KSR2: variants seen among roughly 807,000 people sequenced by gnomAD.
KSR2 encodes kinase suppressor of ras 2.
Under a neutral mutation model 107.8 loss-of-function variants are expected in KSR2, and 25 were observed. The ratio of observed to expected loss-of-function variants is 0.23; its 90% confidence interval spans 0.17 to 0.32. The LOEUF (loss-of-function observed/expected upper bound fraction) is 0.32. Ranked by LOEUF, KSR2 falls within the 10% of genes least tolerant of loss-of-function variation. KSR2 has a pLI of 1.00. For missense variants in KSR2, 887 were observed against 1,268.9 expected (o/e 0.70, Z 4.57); for synonymous variants, 480 against 507.0 (o/e 0.95, Z 0.71).
chr12:117,513,466 T>C (rs1233989898), intron 14 of KSR2, among the ~76,000 whole-genome samples: 2 of 152,166 alleles, frequency 1.3e-5, no homozygotes, highest in Admixed American at 1.3e-4. Context: ...GCAGACACAC[T>C]GATTTTACCC....
In KSR2 at chr12:117,574,224, G is replaced by A. The variant is rs149671511; in HGVS notation, c.1325+4895C>T. On this transcript the variant is annotated intron_variant, in intron 7 of 19. Coordinates refer to ENST00000339824, the MANE Select transcript of KSR2 (RefSeq NM_173598.6). The stretch of plus-strand genomic sequence containing the variant: ...TTTTTTCTTTTTAATAAACCCTCCA[G>A]GGGATTCTTGTGCACACTCAAGTTT... Among the ~76,000 whole-genome samples the A allele has an allele frequency of 9.3e-3, 1,405 of 151,798 alleles. 23 individuals are homozygous for A. Among genetic ancestry groups the A allele is most frequent in the African/African-American group, 0.032 (1,342 of 41,320 alleles).
chr12:117,733,964 T>A (rs1432663395), intron 4 of KSR2, among the ~76,000 whole-genome samples: 1 of 152,142 alleles, frequency 6.6e-6, no homozygotes, highest in African/African-American at 2.4e-5. Context: ...AGAGTTCAAC[T>A]AACTCAGGCT....
At chr12:117,553,518 T>C (rs887131223) in intron 9 of KSR2, among the ~76,000 whole-genome samples, 3 of 152,298 alleles carry the variant, frequency 2.0e-5, no homozygotes, top group Non-Finnish European at 4.4e-5. Context: ...TGTGTTGCCA[T>C]TGAATAGTGA....
At chr12:117,810,256 C>T (rs1278375162) in intron 3 of KSR2, among the ~76,000 whole-genome samples, 2 of 152,234 alleles carry the variant, frequency 1.3e-5, no homozygotes, top group Non-Finnish European at 2.9e-5. Context: ...CTGCACTCTA[C>T]AGTATCTCCA....
chr12:117,538,455 G>A (rs1475855680), intron 10 of KSR2, among the ~76,000 whole-genome samples: 2 of 152,226 alleles, frequency 1.3e-5, no homozygotes, highest in African/African-American at 4.8e-5. Context: ...GTGCCGCCCA[G>A]GTGTGGGGTG....
At chr12:117,850,902 C>G (rs1157767032) in intron 3 of KSR2, among the ~76,000 whole-genome samples, 1 of 152,080 alleles carries the variant, frequency 6.6e-6, no homozygotes, top group African/African-American at 2.4e-5. Context: ...CAAGTATGAT[C>G]CCTGCCCTTT....
At position 117,921,740 on chromosome 12, in the gene KSR2, C is replaced by T. The variant is rs868741601; in HGVS notation, c.180+46336G>A. On this transcript the variant is annotated intron_variant, in intron 1 of 19. Transcript: ENST00000339824. Reference sequence around the variant, plus strand: ...AGTGCCATGCTCAGCACATAATACACGCTCATTAAATGACAGCCATCATTA... The same window carrying T: ...AGTGCCATGCTCAGCACATAATACATGCTCATTAAATGACAGCCATCATTA... 7.4e-4 allele frequency among the ~76,000 whole-genome samples: 112 copies of T among 152,288 alleles called. 1 individual carries two copies. The highest frequency in any genetic ancestry group is 6.8e-3 in the Middle Eastern group (2 of 294).
chr12:117,714,614 C>T (rs1410126329), intron 4 of KSR2, among the ~76,000 whole-genome samples: 3 of 152,322 alleles, frequency 2.0e-5, no homozygotes, highest in East Asian at 1.9e-4. Context: ...GCTAGCAGCA[C>T]GCACTCTGGG....
chr12:117,947,258 A>AT (rs767422689), intron 1 of KSR2, among the ~76,000 whole-genome samples: 4 of 72,408 alleles, frequency 5.5e-5, no homozygotes, highest in African/African-American at 6.0e-5. Context: ...AGAAAGAAAG[A>AT]AGATAAACCA....
Position 117,914,863 on chromosome 12 carries a change from A to G in KSR2, c.180+53213T>C, listed in dbSNP as rs1462865828. 2.0e-5 allele frequency among the ~76,000 whole-genome samples: 3 copies of G among 152,204 alleles called. No individual in the cohort carries two copies. The East Asian group carries it at 5.8e-4, about 29-fold the overall frequency. On this transcript the variant is annotated intron_variant, in intron 1 of 19. Coordinates refer to ENST00000339824, the MANE Select transcript of KSR2 (RefSeq NM_173598.6). ...TCAATTTTTGTATGCATAAGTGAAC[A>G]TGGTGTGAACTGAGGCTGAATACGG... is the stretch of plus-strand genomic sequence containing the variant.
At chr12:117,570,224 A>G (rs1361434665) in intron 7 of KSR2, among the ~76,000 whole-genome samples, 4 of 152,070 alleles carry the variant, frequency 2.6e-5, no homozygotes, top group Admixed American at 6.5e-5. Context: ...GGATGGTCTC[A>G]ATCTCCTGAC....
At chr12:117,521,087 C>G (rs1874730574) in intron 14 of KSR2, among the ~76,000 whole-genome samples, 1 of 152,164 alleles carries the variant, frequency 6.6e-6, no homozygotes, top group African/African-American at 2.4e-5. Flanking sequence ...CCTGCCCTCT[C>G]CAGTCTTGCT....
intron 1 of KSR2, among the ~76,000 whole-genome samples, chr12:117,875,243 G>T (rs532124642): frequency 6.6e-6 from 1 of 151,918 alleles, no homozygotes; most frequent in Non-Finnish European, 1.5e-5. Flanking sequence ...TTTTCACTCC[G>T]AATCTAAACC....
In KSR2 at chr12:117,790,920, C is replaced by A. The variant is rs376026984; in HGVS notation, c.473-29396G>T. 1.4e-4 allele frequency among the ~76,000 whole-genome samples: 22 copies of A among 152,280 alleles called. No individual in the cohort carries two copies. The East Asian group carries it at 2.9e-3, about 20-fold the overall frequency. ...CAACTGCAGCAGCCTCCCAACTGGT[C>A]TCTCTGACTCCCCTCTAGCTCCTCT... On this transcript the variant is annotated intron_variant, in intron 3 of 19. Transcript: ENST00000339824.
At chr12:117,595,531 AT>A (rs1565917888) in intron 5 of KSR2, among the ~76,000 whole-genome samples, 1 of 150,964 alleles carries the variant, frequency 6.6e-6, no homozygotes, top group African/African-American at 2.4e-5. Context: ...CGCCCGGCTA[AT>A]TTTTTGTATT....
chr12:117,602,252 A>AT (rs1187581068), intron 5 of KSR2, among the ~76,000 whole-genome samples: 1 of 152,262 alleles, frequency 6.6e-6, no homozygotes, highest in Non-Finnish European at 1.5e-5. Flanking sequence ...ATAAAATAAA[A>AT]TTAACCATTT....
chr12:117,760,807 G>A (rs991973911), intron 4 of KSR2, among the ~76,000 whole-genome samples: 7 of 152,142 alleles, frequency 4.6e-5, no homozygotes, highest in Non-Finnish European at 8.8e-5. Flanking sequence ...GATATTAATC[G>A]TATTTTTTAA....
In KSR2 at chr12:117,947,225, G is replaced by GA. The variant is rs1232589019; in HGVS notation, c.180+20850dup. On this transcript the variant is annotated intron_variant, in intron 1 of 19. Transcript: ENST00000339824. Reference sequence around the variant, plus strand: ...GAAAGAAAAGAAAGAAAGAAAGAAAGAAAGAAAGAAAGAAAGAAAGAAAGA... The same window carrying GA: ...GAAAGAAAAGAAAGAAAGAAAGAAAGAAAAGAAAGAAAGAAAGAAAGAAAGA... 2.4e-4 allele frequency among the ~76,000 whole-genome samples: 27 copies of GA among 113,426 alleles called. No individual in the cohort carries two copies. The Middle Eastern group carries it at 0.014, about 57-fold the overall frequency. 74.4% of individuals were successfully genotyped at this position (113,426 alleles called of 152,430 possible).
chr12:117,605,642 G>T (rs751804924), intron 5 of KSR2, among the ~76,000 whole-genome samples: 9 of 152,094 alleles, frequency 5.9e-5, no homozygotes, highest in Non-Finnish European at 1.0e-4. Flanking sequence ...CAAAGGAATA[G>T]AAATCATTCT....
Sources: allele counts gnomAD v4.1 joint callset (sites outside exome capture counted in the v4.1 genomes callset), GRCh38; gene constraint gnomAD v4.1.1; transcripts MANE v1.5; gene names NCBI Gene and HGNC (gene_info 2026-07-23, HGNC 2026-07-21).